The following ROS1 variants were observed in gnomAD, a reference collection of about 807,000 sequenced individuals.
The protein encoded by ROS1 is proto-oncogene tyrosine-protein kinase ROS.
In ROS1, 263 loss-of-function variants were observed where a neutral mutation model predicts 273.5. That is an observed-to-expected ratio of 0.96 (90% CI 0.87 to 1.06). The LOEUF (loss-of-function observed/expected upper bound fraction) is 1.06, where lower values mean the gene tolerates loss of function less well. ROS1 is among the 50% of genes least tolerant of loss of function. ROS1 has a pLI of 0.00. For missense variants in ROS1, 2,833 were observed against 2,751.1 expected (o/e 1.03, Z -0.67); for synonymous variants, 1,008 against 954.1 (o/e 1.06, Z -1.04).
At position 117,383,298 on chromosome 6, in the gene ROS1, A is replaced by C. The variant is rs965072771; in HGVS notation, c.2481+19T>G. 4 of 1,584,920 alleles carry C rather than the reference A, an allele frequency of 2.5e-6. No individual in the cohort carries two copies. The highest frequency in any genetic ancestry group is 3.5e-6 in the Non-Finnish European group (4 of 1,154,174). On this transcript the variant is annotated intron_variant, in intron 17 of 43. Coordinates refer to ENST00000368507, the MANE Select transcript of ROS1 (RefSeq NM_001378902.1). ...AGCTATTCAGTATTACTAAATGATC[A>C]GATCTTTTAATTTGTCACCTTTTTC...
intron 13 of ROS1, 26 bp from the exon 14 acceptor site, chr6:117,388,018 A>G: frequency 6.2e-7 from 1 of 1,613,928 alleles, no homozygotes; most frequent in South Asian, 1.1e-5. Flanking sequence ...CAATAATATC[A>G]CTGATCAGGA....
At chr6:117,322,129 TA>T (rs1776332243) in intron 35 of ROS1, among the ~76,000 whole-genome samples, 1 of 152,160 alleles carries the variant, frequency 6.6e-6, no homozygotes, top group Non-Finnish European at 1.5e-5. Context: ...AGATGATCAT[TA>T]AAATTTGAAC....
chr6:117,393,174 T>G (rs1216924339), intron 12 of ROS1, 50 bp downstream of exon 12: 1 of 1,085,226 alleles, frequency 9.2e-7, no homozygotes, highest in South Asian at 1.3e-5. Flanking sequence ...TTCTCAAAGA[T>G]TATTTATTCC....
In ROS1 at chr6:117,389,714, C is replaced by T. The variant is rs1193822423; in HGVS notation, c.1422G>A (p.Lys474=). The T allele has an allele frequency of 2.5e-6, 4 of 1,614,056 alleles. No individual in the cohort carries two copies. Among genetic ancestry groups the T allele is most frequent in the East Asian group, 2.2e-5 (1 of 44,896 alleles). ...LKDFAIKPQA[K]RIIYFNDTAQ... ...CAGTGTCATTGAAGTAAATGATTCG[C>T]TTGGCTTGTGGCTTGATTGCAAAGT... The change falls in exon 13 of 44, where the codon AAG becomes AAA. Residue 474 remains lysine (K), a synonymous_variant. Coordinates refer to ENST00000368507, the MANE Select transcript of ROS1 (RefSeq NM_001378902.1).
At chr6:117,368,533 G>A (rs34740832) in intron 18 of ROS1, among the ~76,000 whole-genome samples, 26,947 of 152,026 alleles carry the variant, frequency 0.18, 2,610 homozygotes, top group South Asian at 0.32. Context: ...GACTAGAGCC[G>A]TACTGCTCAG....
In ROS1 at chr6:117,373,303, T is replaced by C. The variant is rs1306014882; in HGVS notation, c.2582+5756A>G. ...ACCATGCGCCTGCACTCCTCAGCCC[T>C]TGGGCGGTCAATGGGATCGGGCGCC... is the stretch of plus-strand genomic sequence containing the variant. On this transcript the variant is annotated intron_variant, in intron 18 of 43. Transcript: ENST00000368507. Among the ~76,000 whole-genome samples, 3 of 152,230 alleles carry C rather than the reference T, an allele frequency of 2.0e-5. No homozygotes were observed. The East Asian group carries it at 5.8e-4, about 29-fold the overall frequency.
intron 7 of ROS1, among the ~76,000 whole-genome samples, chr6:117,401,803 T>G: frequency 1.1e-5 from 1 of 89,186 alleles, no homozygotes; most frequent in Non-Finnish European, 2.2e-5. Flanking sequence ...AACTTTTCAG[T>G]AAAAAAAAAA....
intron 43 of ROS1, chr6:117,299,301 T>G (rs1240793776): frequency 6.6e-6 from 1 of 152,210 alleles, no homozygotes; most frequent in Non-Finnish European, 1.5e-5. Context: ...CAAGTAGATG[T>G]CTGTCCATGG....
rs565495044 is a variant in ROS1 at position 117,294,685 on chromosome 6, A to C, written c.6716-5883T>G. ...ACCAAAAATAATCTAGCTGATAATT[A>C]AATCAAGAAGGCAATGCCATTTACA... On this transcript the variant is annotated intron_variant, in intron 43 of 43. Coordinates refer to ENST00000368507, the MANE Select transcript of ROS1 (RefSeq NM_001378902.1). Among the ~76,000 whole-genome samples, 4 of 152,318 alleles carry C rather than the reference A, an allele frequency of 2.6e-5. No individual in the cohort carries two copies. In the East Asian group the frequency reaches 7.7e-4, roughly 29 times the overall value.
At chr6:117,321,577 G>C (rs181363868) in intron 35 of ROS1, among the ~76,000 whole-genome samples, 183 bp from the exon 36 acceptor site, 1 of 151,946 alleles carries the variant, frequency 6.6e-6, no homozygotes, top group Non-Finnish European at 1.5e-5. Context: ...CAGGTAAAAA[G>C]CCATATATAA....
rs1275308401 is a variant in ROS1, at chr6:117,387,777, C to T, written c.1999+3G>A. On this transcript the variant is annotated splice_donor_region_variant and intron_variant, in intron 14 of 43. Transcript: ENST00000368507. The stretch of plus-strand genomic sequence containing the variant: ...ACTCCCTAAATCCAGAACATTTTCT[C>T]ACCTGGCACCAGGGTAGTACCCACT... 4 of 1,609,734 alleles carry T rather than the reference C, an allele frequency of 2.5e-6. No individual in the cohort carries two copies. The highest frequency in any genetic ancestry group is 2.7e-5 in the African/African-American group (2 of 74,780).
chr6:117,392,167 CCTTGTCCTA>C (rs1281112899), intron 12 of ROS1, among the ~76,000 whole-genome samples: 8 of 152,170 alleles, frequency 5.3e-5, no homozygotes, highest in Admixed American at 5.2e-4. Context: ...TCCAGAGAAT[CCTTGTCCTA>C]CATCACAAAG....
Position 117,288,357 on chromosome 6 carries a change from T to C in ROS1, c.*135A>G. On this transcript the variant is annotated 3_prime_UTR_variant, in exon 44 of 44. Transcript: ENST00000368507. ...AACCAAATGGCTCTCAGAACCAAGATTAGAAATCAGGAACGTTGCATTGTT... is the reference window on the plus strand; with the variant it reads ...AACCAAATGGCTCTCAGAACCAAGACTAGAAATCAGGAACGTTGCATTGTT... 1 of 842,868 alleles carries C rather than the reference T, an allele frequency of 1.2e-6. No homozygotes were observed. Among genetic ancestry groups the C allele is most frequent in the Non-Finnish European group, 1.8e-6 (1 of 552,410 alleles). 52.2% of individuals were successfully genotyped at this position (842,868 alleles called of 1,614,324 possible). A position where few individuals can be genotyped will look rare whatever the true frequency, so the allele number is the denominator to read the frequency against.
rs1207412705 is a variant in ROS1 at position 117,319,940 on chromosome 6, A to G, written c.5850T>C (p.Phe1950=). The G allele has an allele frequency of 5.6e-6, 9 of 1,613,360 alleles. No homozygotes were observed. Among genetic ancestry groups the G allele is most frequent in the Non-Finnish European group, 5.1e-6 (6 of 1,179,628 alleles). The change falls in exon 37 of 44, where the codon TTT becomes TTC. Residue 1950 remains phenylalanine (F), a synonymous_variant. Transcript: ENST00000368507. ...TLRLLLGSGA[F]GEVYEGTAVD... Reference sequence around the variant, plus strand: ...CTGCTGTTCCTTCATACACTTCTCCAAAGGCTCCACTTCCCAGCAAGAGAC... The same window carrying G: ...CTGCTGTTCCTTCATACACTTCTCCGAAGGCTCCACTTCCCAGCAAGAGAC...
At chr6:117,400,213 A>T (rs13203726) in intron 7 of ROS1, among the ~76,000 whole-genome samples, 9,678 of 152,258 alleles carry the variant, frequency 0.064, 378 homozygotes, top group Middle Eastern at 0.095. Flanking sequence ...AACAAATGAG[A>T]CTTCCTCCAA....
chr6:117,340,049 T>A (rs1234792735), intron 31 of ROS1, among the ~76,000 whole-genome samples: 1 of 152,142 alleles, frequency 6.6e-6, no homozygotes. Context: ...GAACTTTACA[T>A]CCTTCCTCTT....
At chr6:117,390,798 G>A (rs1773007193) in intron 12 of ROS1, among the ~76,000 whole-genome samples, 1 of 152,150 alleles carries the variant, frequency 6.6e-6, no homozygotes, top group Non-Finnish European at 1.5e-5. Context: ...GGAAGAATTA[G>A]AGAAGCACAT....
intron 27 of ROS1, among the ~76,000 whole-genome samples, chr6:117,347,629 G>A (rs1221799483): frequency 6.6e-6 from 1 of 152,052 alleles, no homozygotes; most frequent in African/African-American, 2.4e-5. Context: ...TTGGGAGAGG[G>A]AACATCCTTA....
At chr6:117,334,534 C>T (rs1350542575) in intron 32 of ROS1, among the ~76,000 whole-genome samples, 1 of 152,102 alleles carries the variant, frequency 6.6e-6, no homozygotes, top group African/African-American at 2.4e-5. Flanking sequence ...CCCCATGTAG[C>T]CAAGACAATC....
Sources: allele counts gnomAD v4.1 joint callset (sites outside exome capture counted in the v4.1 genomes callset), GRCh38; gene constraint gnomAD v4.1.1; transcripts MANE v1.5; gene names NCBI Gene and HGNC (gene_info 2026-07-23, HGNC 2026-07-21).